The following ZNF410 variants were observed in gnomAD, a reference collection of about 807,000 sequenced individuals.
The protein encoded by ZNF410 is zinc finger protein 410.
In ZNF410, 18 loss-of-function variants were observed where a neutral mutation model predicts 54.8. That is an observed-to-expected ratio of 0.33 (90% CI 0.23 to 0.49). The LOEUF is 0.49. Among genes scored for constraint, ZNF410 ranks in the 20% least tolerant of loss-of-function variants. The probability of loss-of-function intolerance (pLI) is 0.99; values close to 1 mark genes in which losing one functional copy is unlikely to be tolerated. For missense variants in ZNF410, 405 were observed against 569.6 expected, an observed-to-expected ratio of 0.71 and a Z score of 2.94; for synonymous variants, 191 against 207.3, an observed-to-expected ratio of 0.92 and a Z score of 0.68.
intron 11 of ZNF410, among the ~76,000 whole-genome samples, chr14:73,929,728 G>C (rs8013946): frequency 0.31 from 46,325 of 151,484 alleles, 9,009 homozygotes; most frequent in Non-Finnish European, 0.42. Flanking sequence ...GAGGTGAGAG[G>C]ATCACTTGGG....
chr14:73,889,051 G>A (rs562592018), intron 1 of ZNF410, among the ~76,000 whole-genome samples: 2 of 152,284 alleles, frequency 1.3e-5, no homozygotes, highest in South Asian at 4.1e-4. Flanking sequence ...ACAGTAAATA[G>A]TTGTCTGGTT....
chr14:73,905,942 TATAC>T (rs869281230), intron 7 of ZNF410, among the ~76,000 whole-genome samples: 1 of 89,470 alleles, frequency 1.1e-5, no homozygotes, highest in African/African-American at 6.2e-5. Flanking sequence ...CATACATATA[TATAC>T]ACACACACAC....
intron 5 of ZNF410, among the ~76,000 whole-genome samples, chr14:73,900,342 A>C (rs2055386422): frequency 6.6e-6 from 1 of 151,908 alleles, no homozygotes; most frequent in Admixed American, 6.6e-5. Flanking sequence ...GCTATTTGGA[A>C]GCTTTATGAT....
At chr14:73,924,851 G>T (rs1473110260) in intron 11 of ZNF410, 20 of 328,812 alleles carry the variant, frequency 6.1e-5, no homozygotes, top group South Asian at 4.5e-4. Context: ...TAATTTTTTT[G>T]TATTTTTAGT....
chr14:73,927,850 A>ATTTT (rs769693607), intron 11 of ZNF410: 9,710 of 134,656 alleles, frequency 0.072, 662 homozygotes, highest in East Asian at 0.42. Context: ...TTTTTTTTTA[A>ATTTT]TTTTTTAGAC....
At chr14:73,898,994 TATGTAGC>T (rs928987085) in intron 5 of ZNF410, among the ~76,000 whole-genome samples, 1 of 152,246 alleles carries the variant, frequency 6.6e-6, no homozygotes, top group African/African-American at 2.4e-5. Flanking sequence ...AATCTTTGCT[TATGTAGC>T]ATGTCATGGA....
At chr14:73,921,161 A>T in intron 9 of ZNF410, 56 bp downstream of exon 9, 1 of 1,602,694 alleles carries the variant, frequency 6.2e-7, no homozygotes, top group Non-Finnish European at 8.5e-7. Flanking sequence ...CCAAGAGCCA[A>T]ATCACTGTCC....
At chr14:73,890,047 G>A (rs555933178) in intron 1 of ZNF410, among the ~76,000 whole-genome samples, 3 of 152,026 alleles carry the variant, frequency 2.0e-5, no homozygotes, top group East Asian at 1.9e-4. Flanking sequence ...CGCCTGCCTC[G>A]GCCTCCCAAA....
intron 8 of ZNF410, among the ~76,000 whole-genome samples, chr14:73,919,151 G>A (rs967431746): frequency 1.3e-5 from 2 of 150,392 alleles, no homozygotes; most frequent in South Asian, 4.2e-4. Context: ...GATTATATGC[G>A]CCCGCCACCA....
intron 7 of ZNF410, among the ~76,000 whole-genome samples, chr14:73,908,861 A>G (rs955372794): frequency 4.6e-5 from 7 of 152,178 alleles, no homozygotes; most frequent in Non-Finnish European, 1.0e-4. Flanking sequence ...TGTTTGAGAC[A>G]GGGTCTCTCT....
chr14:73,895,870 A>G (rs1456672714), intron 3 of ZNF410, among the ~76,000 whole-genome samples: 1 of 152,238 alleles, frequency 6.6e-6, no homozygotes, highest in Non-Finnish European at 1.5e-5. Flanking sequence ...ATAGGTAAAA[A>G]GGTAATGGCA....
At chr14:73,920,049 GC>G (rs1174247161) in intron 8 of ZNF410, 5 of 151,862 alleles carry the variant, frequency 3.3e-5, no homozygotes, top group Non-Finnish European at 5.9e-5. Flanking sequence ...TTCACATTTT[GC>G]TGCTGTAATT....
chr14:73,896,035 G>T, intron 3 of ZNF410: 1 of 394,924 alleles, frequency 2.5e-6, no homozygotes, highest in Non-Finnish European at 4.5e-6. Context: ...CCTCAAAAAG[G>T]ACTAAATTCT....
intron 10 of ZNF410, 37 bp downstream of exon 10, chr14:73,922,243 G>C (rs779254719): frequency 6.2e-7 from 1 of 1,600,326 alleles, no homozygotes; most frequent in Admixed American, 1.7e-5. Flanking sequence ...GGGAAAAATG[G>C]GCTGCAACTA....
At chr14:73,905,289 G>A (rs2055463951) in intron 7 of ZNF410, 2 of 484,382 alleles carry the variant, frequency 4.1e-6, no homozygotes, top group East Asian at 6.9e-5. Flanking sequence ...AGTAGACAGT[G>A]TTGATTTCTG....
chr14:73,889,710 T>C (rs1163034110), intron 1 of ZNF410, among the ~76,000 whole-genome samples: 3 of 151,964 alleles, frequency 2.0e-5, no homozygotes, highest in Non-Finnish European at 4.4e-5. Context: ...AAGAAAAATA[T>C]GTGTGGAAGA....
At chr14:73,921,839 T>C (rs932979147) in intron 9 of ZNF410, among the ~76,000 whole-genome samples, 1 of 152,226 alleles carries the variant, frequency 6.6e-6, no homozygotes, top group African/African-American at 2.4e-5. Context: ...TTTCATATGC[T>C]AATTCTTCAG....
chr14:73,904,279 A>G (rs1451550406), intron 6 of ZNF410, among the ~76,000 whole-genome samples, 169 bp downstream of exon 6: 2 of 152,180 alleles, frequency 1.3e-5, no homozygotes, highest in South Asian at 2.1e-4. Flanking sequence ...TGTCTCATTT[A>G]TCTCATTCTT....
intron 6 of ZNF410, 100 bp from the exon 7 acceptor site, chr14:73,904,802 T>G: frequency 7.5e-7 from 1 of 1,333,210 alleles, no homozygotes; most frequent in Non-Finnish European, 1.0e-6. Context: ...ATCCAGTTTT[T>G]GGACTTACTG....
Sources: gnomAD v4.1 joint callset for allele counts (sites outside exome capture counted in the v4.1 genomes callset) on GRCh38, gnomAD v4.1.1 for gene constraint, MANE v1.5 for transcripts, NCBI Gene and HGNC (gene_info 2026-07-23, HGNC 2026-07-21) for gene names.